UGT1A8: variants seen among roughly 807,000 people sequenced by gnomAD.
The protein encoded by UGT1A8 is UDP-glucuronosyltransferase 1A8.
UGT1A8 carries 39 observed loss-of-function variants against 45.3 expected under a neutral mutation model. The observed-to-expected ratio is 0.86, with a 90% CI of 0.67 to 1.12. The LOEUF (loss-of-function observed/expected upper bound fraction) is 1.12, where lower values mean the gene tolerates loss of function less well. Ranked by LOEUF, UGT1A8 falls within the 50% of genes most tolerant of loss-of-function variation. UGT1A8 has a pLI of 0.00. For synonymous variants in UGT1A8, 275 were observed against 249.2 expected, an observed-to-expected ratio of 1.10 and a Z score of -0.97; for missense variants, 719 against 664.9, an observed-to-expected ratio of 1.08 and a Z score of -0.90.
intron 1 of UGT1A8, chr2:233,713,615 G>T (rs374147519): frequency 6.2e-7 from 1 of 1,613,832 alleles, no homozygotes; most frequent in Non-Finnish European, 8.5e-7. Context: ...TGACATTCCT[G>T]CAAAGGGTCA....
chr2:233,658,018 CT>C (rs34352422), intron 1 of UGT1A8, among the ~76,000 whole-genome samples: 53,445 of 127,862 alleles, frequency 0.42, 9,139 homozygotes, highest in Non-Finnish European at 0.47. Context: ...GTTTCCTCCT[CT>C]TTTTTTTTTT....
intron 1 of UGT1A8, among the ~76,000 whole-genome samples, chr2:233,740,339 A>G (rs1249228201): frequency 7.9e-5 from 12 of 151,952 alleles, no homozygotes; most frequent in Non-Finnish European, 1.5e-4. Flanking sequence ...GAGAAAGTTG[A>G]TGAGAAAGTG....
At chr2:233,622,314 C>T (rs2073023374) in intron 1 of UGT1A8, among the ~76,000 whole-genome samples, 1 of 152,194 alleles carries the variant, frequency 6.6e-6, no homozygotes, top group Non-Finnish European at 1.5e-5. Flanking sequence ...ACACTGTCTT[C>T]CACAATGGTT....
Position 233,769,621 on chromosome 2 carries a change from A to G in UGT1A8, c.1295+1182A>G. 2 of 1,612,498 alleles carry G rather than the reference A, an allele frequency of 1.2e-6. No homozygotes were observed. The highest frequency in any genetic ancestry group is 1.7e-5 in the Admixed American group (1 of 59,994). On this transcript the variant is annotated intron_variant, in intron 4 of 4. Transcript: ENST00000373450. The surrounding 1 kb of genome is among the most constrained non-coding windows in gnomAD (Gnocchi z 4.4). Reference sequence around the variant, plus strand: ...ACACGGGGACACACCAGCTTGAGCAAGGGACAACAGGGGAGGACTGATGAC... The same window carrying G: ...ACACGGGGACACACCAGCTTGAGCAGGGGACAACAGGGGAGGACTGATGAC...
chr2:233,719,460 A>G (rs1246194509), intron 1 of UGT1A8: 3 of 1,613,974 alleles, frequency 1.9e-6, no homozygotes, highest in Non-Finnish European at 2.5e-6. Context: ...GGTCAAGAAC[A>G]TGCTCTACCC....
Position 233,622,592 on chromosome 2 carries a change from A to T in UGT1A8, c.855+4030A>T, listed in dbSNP as rs547628452. Among the ~76,000 whole-genome samples, 100 of 152,112 alleles carry T rather than the reference A, an allele frequency of 6.6e-4. 1 individual carries two copies. The South Asian group carries it at 6.9e-3, about 10-fold the overall frequency. ...TGATGGGGTTGTTTTATTCTTGTAA[A>T]TTTTTTTGAGTTCTTTGTAGATTCT... On this transcript the variant is annotated intron_variant, in intron 1 of 4. Transcript: ENST00000373450.
intron 1 of UGT1A8, among the ~76,000 whole-genome samples, chr2:233,699,368 G>A (rs1318815561): frequency 6.6e-6 from 1 of 152,136 alleles, no homozygotes; most frequent in African/African-American, 2.4e-5. Flanking sequence ...TATTGGTATG[G>A]CTAGATTTCA....
chr2:233,689,424 C>G (rs1478250131), intron 1 of UGT1A8, among the ~76,000 whole-genome samples: 1 of 152,126 alleles, frequency 6.6e-6, no homozygotes, highest in East Asian at 1.9e-4. Context: ...TAATGGCTTG[C>G]AAGTAAAGGT....
At chr2:233,708,440 C>A (rs1172500075) in intron 1 of UGT1A8, 1 of 152,126 alleles carries the variant, frequency 6.6e-6, no homozygotes, top group African/African-American at 2.4e-5. Context: ...CTGGTATTTA[C>A]CTTCTGCATT....
chr2:233,739,944 C>T (rs937638963), intron 1 of UGT1A8, among the ~76,000 whole-genome samples: 6 of 151,864 alleles, frequency 4.0e-5, no homozygotes, highest in Admixed American at 3.3e-4. Flanking sequence ...AGGTTGGTAC[C>T]TGGTGGGAGC....
At chr2:233,701,168 C>T (rs984714879) in intron 1 of UGT1A8, among the ~76,000 whole-genome samples, 4 of 152,038 alleles carry the variant, frequency 2.6e-5, no homozygotes, top group Non-Finnish European at 4.4e-5. Flanking sequence ...TGAATAGTGC[C>T]GTTATAAACA....
At chr2:233,699,919 G>A (rs2075532229) in intron 1 of UGT1A8, among the ~76,000 whole-genome samples, 2 of 152,196 alleles carry the variant, frequency 1.3e-5, no homozygotes, top group Non-Finnish European at 2.9e-5. Context: ...TATACGTAGA[G>A]GCCAAGGATG....
chr2:233,769,618 G>A lies in UGT1A8; in HGVS notation c.1295+1179G>A. ...GGAACACGGGGACACACCAGCTTGA[G>A]CAAGGGACAACAGGGGAGGACTGAT... On this transcript the variant is annotated intron_variant, in intron 4 of 4. Coordinates refer to ENST00000373450, the MANE Select transcript of UGT1A8 (RefSeq NM_019076.5). This position sits in a 1 kb window ranked among gnomAD's most constrained non-coding sequence, Gnocchi z 4.4. The A allele has an allele frequency of 1.9e-6, 3 of 1,612,672 alleles. No individual in the cohort carries two copies. Among genetic ancestry groups the A allele is most frequent in the Non-Finnish European group, 2.5e-6 (3 of 1,179,802 alleles).
At chr2:233,758,253 TAGTA>T (rs1415898131) in intron 1 of UGT1A8, among the ~76,000 whole-genome samples, 2 of 152,180 alleles carry the variant, frequency 1.3e-5, no homozygotes, top group African/African-American at 2.4e-5. Context: ...CTATTCAGAT[TAGTA>T]AGTATTTCTT....
At chr2:233,690,606 C>T (rs1439647721) in intron 1 of UGT1A8, 1 of 1,289,342 alleles carries the variant, frequency 7.8e-7, no homozygotes, top group Non-Finnish European at 1.0e-6. Flanking sequence ...AAAAATCGGC[C>T]TTTGCCTGGA....
At chr2:233,667,877 A>C (rs1002682927) in intron 1 of UGT1A8, among the ~76,000 whole-genome samples, 3 of 152,212 alleles carry the variant, frequency 2.0e-5, no homozygotes, top group African/African-American at 4.8e-5. Flanking sequence ...AAAAGTCAGG[A>C]AACAACAGGT....
At chr2:233,652,922 C>G (rs1364378921) in intron 1 of UGT1A8, among the ~76,000 whole-genome samples, 1 of 152,184 alleles carries the variant, frequency 6.6e-6, no homozygotes, top group East Asian at 1.9e-4. Flanking sequence ...TGATGTGACA[C>G]ACACATTGTT....
intron 1 of UGT1A8, among the ~76,000 whole-genome samples, chr2:233,650,819 A>C (rs1003425686): frequency 2.0e-5 from 3 of 152,230 alleles, no homozygotes; most frequent in Non-Finnish European, 4.4e-5. Context: ...TTTGTTTGGC[A>C]CAAAGAAATT....
intron 1 of UGT1A8, among the ~76,000 whole-genome samples, chr2:233,696,580 A>T (rs2125568256): frequency 6.6e-6 from 1 of 151,478 alleles, no homozygotes; most frequent in South Asian, 2.1e-4. Context: ...GAATAATTTG[A>T]CTTCTTCCTT....
Sources: allele counts gnomAD v4.1 joint callset (sites outside exome capture counted in the v4.1 genomes callset), GRCh38; gene constraint gnomAD v4.1.1; non-coding constraint Gnocchi (gnomAD v3.1); transcripts MANE v1.5; gene names NCBI Gene and HGNC (gene_info 2026-07-23, HGNC 2026-07-21).